Variants in PRKCZ observed in about 807,000 individuals in gnomAD.
PRKCZ encodes the protein protein kinase C zeta, also known as protein kinase C zeta type.
Under a neutral mutation model 79.5 loss-of-function variants are expected in PRKCZ, and 33 were observed. That is an observed-to-expected ratio of 0.41 (90% CI 0.31 to 0.55). PRKCZ has a LOEUF of 0.55. PRKCZ is among the 20% of genes least tolerant of loss of function. The pLI, the probability that PRKCZ is intolerant of heterozygous loss-of-function variation, is 0.19. For missense variants in PRKCZ, 578 were observed against 813.5 expected (o/e 0.71, Z 3.52); for synonymous variants, 342 against 320.9 (o/e 1.07, Z -0.70).
At chr1:2,073,937 G>C (rs542405846) in intron 4 of PRKCZ, 116 of 1,344,318 alleles carry the variant, frequency 8.6e-5, no homozygotes, top group Non-Finnish European at 1.1e-4. Flanking sequence ...CCGGTGAGTC[G>C]GGGGCATCTC....
intron 9 of PRKCZ, among the ~76,000 whole-genome samples, chr1:2,154,279 G>A (rs1030994890): frequency 2.6e-5 from 4 of 152,120 alleles, no homozygotes; most frequent in African/African-American, 9.7e-5. Context: ...TTGAGCAGCC[G>A]TCGGGGGGCA....
rs1683229665 is a variant in PRKCZ at position 2,165,912 on chromosome 1, C to A, written c.975-3606C>A. ...GTGAGCTTCCCTCAGCCCCCGGCCG[C>A]CCCCTAGGAGGTTTCGTGAGCTTCC... On this transcript the variant is annotated intron_variant, in intron 10 of 17. Transcript: ENST00000378567. This position sits in a 1 kb window ranked among gnomAD's most constrained non-coding sequence, Gnocchi z 4.1. Among the ~76,000 whole-genome samples, 1 of 152,086 alleles carries A rather than the reference C, an allele frequency of 6.6e-6. No individual in the cohort carries two copies. The highest frequency in any genetic ancestry group is 2.4e-5 in the African/African-American group (1 of 41,412).
At chr1:2,066,405 C>T (rs1353123996) in intron 4 of PRKCZ, among the ~76,000 whole-genome samples, 3 of 152,174 alleles carry the variant, frequency 2.0e-5, no homozygotes, top group Non-Finnish European at 4.4e-5. Flanking sequence ...TGCAGTGGCT[C>T]GATCTCAGCT....
chr1:2,171,377 T>C (rs555246938), intron 11 of PRKCZ, among the ~76,000 whole-genome samples: 8 of 150,238 alleles, frequency 5.3e-5, no homozygotes, highest in African/African-American at 1.9e-4. Context: ...TTAATTTTTT[T>C]TTTTTTTTGA....
chr1:2,083,160 T>G (rs1663882660), intron 4 of PRKCZ, among the ~76,000 whole-genome samples: 1 of 152,118 alleles, frequency 6.6e-6, no homozygotes, highest in Non-Finnish European at 1.5e-5. Context: ...TGGAGCATGC[T>G]CTGAGCCCCT....
intron 4 of PRKCZ, among the ~76,000 whole-genome samples, chr1:2,078,413 C>T (rs1290970278): frequency 6.6e-6 from 1 of 152,174 alleles, no homozygotes; most frequent in East Asian, 1.9e-4. Flanking sequence ...TGTCTTCTGG[C>T]TTCTTGTGTG....
chr1:2,148,238 CATCT>C (rs1204796308), intron 7 of PRKCZ, among the ~76,000 whole-genome samples: 11 of 150,492 alleles, frequency 7.3e-5, no homozygotes, highest in South Asian at 6.3e-4. Flanking sequence ...TCCGTCTATC[CATCT>C]ATCTGTTGTC....
chr1:2,169,243 C>T (rs1557727666), intron 10 of PRKCZ: 2 of 510,080 alleles, frequency 3.9e-6, no homozygotes, highest in African/African-American at 3.8e-5. Flanking sequence ...TTCCGGGGCC[C>T]ACCCACACTT....
rs1234058982 is a variant in PRKCZ at position 2,075,577 on chromosome 1, C to G, written c.334+15986C>G. ...CTTCTCCGACCGTCTTCCTAGACTT[C>G]AGAGCCACTGGTGGTTATGTAAGGA... On this transcript the variant is annotated intron_variant, in intron 4 of 17. Coordinates refer to ENST00000378567, the MANE Select transcript of PRKCZ (RefSeq NM_002744.6). This position sits in a 1 kb window ranked among gnomAD's most constrained non-coding sequence, Gnocchi z 4.8. Among the ~76,000 whole-genome samples the G allele has an allele frequency of 6.6e-6, 1 of 152,200 alleles. No individual in the cohort carries two copies. Among genetic ancestry groups the G allele is most frequent in the Non-Finnish European group, 1.5e-5 (1 of 68,028 alleles).
intron 4 of PRKCZ, among the ~76,000 whole-genome samples, chr1:2,116,533 C>G (rs541689875): frequency 6.6e-6 from 1 of 152,278 alleles, no homozygotes; most frequent in East Asian, 1.9e-4. Flanking sequence ...GCCTTCCACT[C>G]CATGGATGGT....
At chr1:2,129,107 G>A (rs1433195526) in intron 4 of PRKCZ, among the ~76,000 whole-genome samples, 1 of 152,190 alleles carries the variant, frequency 6.6e-6, no homozygotes, top group African/African-American at 2.4e-5. Context: ...AAGGCAGAGT[G>A]GCTGCCGGCC....
chr1:2,057,633 A>C (rs1051377520), intron 3 of PRKCZ, among the ~76,000 whole-genome samples: 4 of 152,178 alleles, frequency 2.6e-5, no homozygotes, highest in African/African-American at 9.7e-5. Context: ...TGGGAGGTCA[A>C]GGTGGGAGGA....
chr1:2,132,092 G>T (rs1193910455), intron 4 of PRKCZ, among the ~76,000 whole-genome samples: 1 of 152,164 alleles, frequency 6.6e-6, no homozygotes, highest in Non-Finnish European at 1.5e-5. Flanking sequence ...ATTACAGGCG[G>T]GAGCCACCGT....
At position 2,164,780 on chromosome 1, in the gene PRKCZ, C is replaced by T. The variant is rs565520772; in HGVS notation, c.975-4738C>T. Among the ~76,000 whole-genome samples the T allele has an allele frequency of 3.9e-5, 6 of 152,288 alleles. No individual in the cohort carries two copies. In the South Asian group the frequency reaches 8.3e-4, roughly 21 times the overall value. ...CTTGGCGGGATCCCTGTGCGATTGC[C>T]GGGCCTTGGGTGTCGTGGAGGGCAG... On this transcript the variant is annotated intron_variant, in intron 10 of 17. Coordinates refer to ENST00000378567, the MANE Select transcript of PRKCZ (RefSeq NM_002744.6).
Position 2,082,466 on chromosome 1 carries a change from T to C in PRKCZ, c.334+22875T>C, listed in dbSNP as rs1400212507. The C allele has an allele frequency of 2.4e-5, 11 of 455,016 alleles. No individual in the cohort carries two copies. The highest frequency in any genetic ancestry group is 1.0e-4 in the African/African-American group (5 of 50,014). 28.2% of individuals were successfully genotyped at this position (455,016 alleles called of 1,614,324 possible). A position where few individuals can be genotyped will look rare whatever the true frequency, so the allele number is the denominator to read the frequency against. On this transcript the variant is annotated intron_variant, in intron 4 of 17. Coordinates refer to ENST00000378567, the MANE Select transcript of PRKCZ (RefSeq NM_002744.6). This position sits in a 1 kb window ranked among gnomAD's most constrained non-coding sequence, Gnocchi z 4.4. ...GGAGACTGTAATTTCATTCTGTGAG[T>C]GTAAGATCACGTCCGCGTTCCTAGC... is the stretch of plus-strand genomic sequence containing the variant.
chr1:2,114,475 C>T (rs1051488868), intron 4 of PRKCZ, among the ~76,000 whole-genome samples: 7 of 152,128 alleles, frequency 4.6e-5, no homozygotes, highest in African/African-American at 1.7e-4. Flanking sequence ...ATAAAATAAG[C>T]TGAAGAAAAA....
intron 4 of PRKCZ, among the ~76,000 whole-genome samples, chr1:2,120,304 T>TG (rs1285004499): frequency 3.9e-5 from 5 of 128,146 alleles, no homozygotes; most frequent in South Asian, 2.8e-4. Flanking sequence ...TTTTTTTTTT[T>TG]TTTTTTTTTT....
At chr1:2,135,602 G>A (rs1278944360) in intron 5 of PRKCZ, among the ~76,000 whole-genome samples, 2 of 152,250 alleles carry the variant, frequency 1.3e-5, no homozygotes, top group African/African-American at 2.4e-5. Flanking sequence ...CTGGCTGTGT[G>A]ACTCTTATCA....
rs569484896 is a variant in PRKCZ, at chr1:2,050,461, C to T, written c.-170C>T. 122 of 242,582 alleles carry T rather than the reference C, an allele frequency of 5.0e-4. No individual in the cohort carries two copies. Among genetic ancestry groups the T allele is most frequent in the African/African-American group, 2.8e-3 (122 of 43,262 alleles). The allele number at this position is 242,582 out of a possible 1,614,324, so 15.0% of individuals were successfully genotyped here. ...CCGGACGGTCCCGCCCCGCGCGCCC[C>T]CCGCTCCCGCCCCGCGCGCCGCCGG... On this transcript the variant is annotated 5_prime_UTR_variant, in exon 1 of 18. Transcript: ENST00000378567.
Sources: gnomAD v4.1 joint callset for allele counts (sites outside exome capture counted in the v4.1 genomes callset) on GRCh38, gnomAD v4.1.1 for gene constraint, Gnocchi (gnomAD v3.1) non-coding constraint, MANE v1.5 for transcripts, NCBI Gene and HGNC (gene_info 2026-07-23, HGNC 2026-07-21) for gene names.